THADA: variants seen among roughly 807,000 people sequenced by gnomAD.
THADA encodes the protein THADA armadillo repeat containing.
THADA carries 213 observed loss-of-function variants against 219.8 expected under a neutral mutation model. The observed-to-expected ratio is 0.97, with a 90% CI of 0.87 to 1.09. The LOEUF (loss-of-function observed/expected upper bound fraction) is 1.09. THADA is among the 50% of genes least tolerant of loss of function. The probability of loss-of-function intolerance (pLI) is 0.00; values close to 1 mark genes in which losing one functional copy is unlikely to be tolerated. For synonymous variants in THADA, 1,018 were observed against 828.9 expected, an observed-to-expected ratio of 1.23 and a Z score of -3.92; for missense variants, 2,956 against 2,311.3, an observed-to-expected ratio of 1.28 and a Z score of -5.72.
chr2:43,250,672 TG>T (rs1204718806), intron 36 of THADA, among the ~76,000 whole-genome samples: 1 of 152,050 alleles, frequency 6.6e-6, no homozygotes, highest in African/African-American at 2.4e-5. Context: ...GAGACCAGCC[TG>T]GGCAACATAG....
At chr2:43,367,582 A>G (rs1350014428) in intron 29 of THADA, among the ~76,000 whole-genome samples, 2 of 152,216 alleles carry the variant, frequency 1.3e-5, no homozygotes, top group African/African-American at 4.8e-5. Context: ...CTTTATCAAA[A>G]CAAAAAACAA....
At chr2:43,570,184 G>C (rs1333012344) in intron 14 of THADA, among the ~76,000 whole-genome samples, 1 of 152,102 alleles carries the variant, frequency 6.6e-6, no homozygotes, top group Non-Finnish European at 1.5e-5. Flanking sequence ...TTCTGTAACA[G>C]TCCTCCGGTA....
intron 26 of THADA, among the ~76,000 whole-genome samples, chr2:43,467,177 G>A (rs1459970276): frequency 1.1e-4 from 7 of 65,758 alleles, no homozygotes; most frequent in African/African-American, 2.6e-4. Flanking sequence ...GCGAGACTCC[G>A]TCTCAAAAAA....
At position 43,446,117 on chromosome 2, in the gene THADA, T is replaced by A. The variant is rs187848567; in HGVS notation, c.3837-15815A>T. ...CCCATTTGGGCAGCTTACATGGGTATTTTTTAACTAGGAATTCTTTTTTAG... is the reference window on the plus strand; with the variant it reads ...CCCATTTGGGCAGCTTACATGGGTAATTTTTAACTAGGAATTCTTTTTTAG... On this transcript the variant is annotated intron_variant, in intron 26 of 37. Transcript: ENST00000405975. Among the ~76,000 whole-genome samples, 438 of 152,360 alleles carry A rather than the reference T, an allele frequency of 2.9e-3. 4 individuals carry two copies. Among genetic ancestry groups the A allele is most frequent in the African/African-American group, 0.01 (422 of 41,578 alleles).
intron 26 of THADA, among the ~76,000 whole-genome samples, chr2:43,456,990 A>G (rs889037029): frequency 3.3e-5 from 5 of 152,212 alleles, no homozygotes; most frequent in South Asian, 2.1e-4. Flanking sequence ...TTCTGAATAC[A>G]TTAACACCTA....
Position 43,573,127 on chromosome 2 carries a change from A to C in THADA, c.1730-135T>G, listed in dbSNP as rs1574318902. 8.7e-6 allele frequency: 6 copies of C among 690,508 alleles called. No individual in the cohort carries two copies. The East Asian group carries it at 1.9e-4, about 22-fold the overall frequency. The allele number at this position is 690,508 out of a possible 1,614,324, so 42.8% of individuals were successfully genotyped here. A position where few individuals can be genotyped will look rare whatever the true frequency, so the allele number is the denominator to read the frequency against. Reference sequence around the variant, plus strand: ...CACATTTTAAACTCATTTCTAACACAAATTAAAGTTCCTATTCTAAAATAA... The same window carrying C: ...CACATTTTAAACTCATTTCTAACACCAATTAAAGTTCCTATTCTAAAATAA... On this transcript the variant is annotated intron_variant, in intron 11 of 37. Coordinates refer to ENST00000405975, the MANE Select transcript of THADA (RefSeq NM_022065.5).
intron 31 of THADA, among the ~76,000 whole-genome samples, chr2:43,308,074 G>A (rs1019326041): frequency 2.6e-5 from 4 of 152,160 alleles, no homozygotes; most frequent in Non-Finnish European, 5.9e-5. Context: ...TAATAGCAGA[G>A]GCTGGGCATA....
chr2:43,465,192 T>C (rs1684095177), intron 26 of THADA, among the ~76,000 whole-genome samples: 1 of 152,170 alleles, frequency 6.6e-6, no homozygotes, highest in Non-Finnish European at 1.5e-5. Context: ...CAAATGAAAA[T>C]GGAGGTTAGC....
At chr2:43,564,239 C>T (rs1698410445) in intron 15 of THADA, 1 of 152,244 alleles carries the variant, frequency 6.6e-6, no homozygotes, top group Non-Finnish European at 1.5e-5. Context: ...TCACTGGATG[C>T]TGTAACAAAT....
intron 21 of THADA, among the ~76,000 whole-genome samples, chr2:43,529,741 A>C (rs1263668746): frequency 6.6e-6 from 1 of 152,182 alleles, no homozygotes. Context: ...TTGTCCCAAG[A>C]TATCTCAGAT....
rs1054444208 is a variant in THADA at position 43,505,616 on chromosome 2, G to C, written c.3621+6C>G. On this transcript the variant is annotated splice_donor_region_variant and intron_variant, in intron 24 of 37. Transcript: ENST00000405975. ...CACTGGAGGGTTTGTGTATTTCCAT[G>C]ATTACCTGGGGGACTGTACTCTGTA... 1.3e-6 allele frequency: 2 copies of C among 1,563,904 alleles called. No homozygotes were observed. Among genetic ancestry groups the C allele is most frequent in the Non-Finnish European group, 1.7e-6 (2 of 1,146,460 alleles).
At chr2:43,463,389 A>G (rs144040471) in intron 26 of THADA, 1 of 152,346 alleles carries the variant, frequency 6.6e-6, no homozygotes, top group Non-Finnish European at 1.5e-5. Flanking sequence ...GTGCTTCTAA[A>G]GCAGAAAGCA....
At chr2:43,344,759 G>GCT in intron 29 of THADA, among the ~76,000 whole-genome samples, 1 of 149,386 alleles carries the variant, frequency 6.7e-6, no homozygotes, top group African/African-American at 2.5e-5. Context: ...ACTATTTAGG[G>GCT]TTTTTTTTGT....
chr2:43,570,557 T>G, intron 13 of THADA, 47 bp from the exon 14 acceptor site: 1 of 1,570,460 alleles, frequency 6.4e-7, no homozygotes, highest in Non-Finnish European at 8.6e-7. Flanking sequence ...CACATTAAAT[T>G]TAAATGTCAG....
At chr2:43,454,066 C>T (rs974033251) in intron 26 of THADA, among the ~76,000 whole-genome samples, 6 of 152,132 alleles carry the variant, frequency 3.9e-5, no homozygotes, top group Admixed American at 3.3e-4. Flanking sequence ...GACAGGGTCT[C>T]GCTATATTGC....
chr2:43,317,346 C>T (rs1190276247), intron 31 of THADA, among the ~76,000 whole-genome samples: 1 of 152,178 alleles, frequency 6.6e-6, no homozygotes, highest in African/African-American at 2.4e-5. Context: ...CTGAGGAGAA[C>T]TGCATTTCAT....
At chr2:43,296,672 A>G (rs908628055) in intron 31 of THADA, among the ~76,000 whole-genome samples, 4 of 152,194 alleles carry the variant, frequency 2.6e-5, no homozygotes, top group Non-Finnish European at 4.4e-5. Flanking sequence ...ACCGAATCTC[A>G]TAACAATCTA....
intron 23 of THADA, among the ~76,000 whole-genome samples, chr2:43,507,283 C>A (rs187656966): frequency 1.3e-5 from 2 of 152,142 alleles, no homozygotes; most frequent in Non-Finnish European, 2.9e-5. Context: ...CTTGCCAAGG[C>A]TAGGGTAAGA....
chr2:43,269,126 G>A (rs1313413460), intron 36 of THADA, among the ~76,000 whole-genome samples: 1 of 152,222 alleles, frequency 6.6e-6, no homozygotes, highest in African/African-American at 2.4e-5. Context: ...GAGGCCACGA[G>A]CTGGAGAAGG....
Sources: allele counts gnomAD v4.1 joint callset (sites outside exome capture counted in the v4.1 genomes callset), GRCh38; gene constraint gnomAD v4.1.1; transcripts MANE v1.5; gene names NCBI Gene and HGNC (gene_info 2026-07-23, HGNC 2026-07-21).